The following WDFY4 variants were observed in gnomAD, a reference collection of about 807,000 sequenced individuals.
WDFY4 encodes the protein WD repeat- and FYVE domain-containing protein 4.
In WDFY4, 169 loss-of-function variants were observed where a neutral mutation model predicts 351.9. That is an observed-to-expected ratio of 0.48 (90% confidence interval 0.42 to 0.55). The LOEUF (loss-of-function observed/expected upper bound fraction) is 0.55. Among genes scored for constraint, WDFY4 ranks in the 20% least tolerant of loss-of-function variants. The probability of loss-of-function intolerance (pLI) is 0.00; values close to 1 mark genes in which losing one functional copy is unlikely to be tolerated. For synonymous variants in WDFY4, 1,622 were observed against 1,574.6 expected (o/e 1.03, Z -0.71); for missense variants, 3,803 against 3,935.6 (o/e 0.97, Z 0.90).
chr10:48,706,146 A>G (rs2063620894), intron 1 of WDFY4, among the ~76,000 whole-genome samples: 1 of 152,158 alleles, frequency 6.6e-6, no homozygotes, highest in African/African-American at 2.4e-5. Context: ...AGAGAGAGAG[A>G]GATTGAGATT....
intron 47 of WDFY4, among the ~76,000 whole-genome samples, chr10:48,907,420 C>A (rs948187333): frequency 6.6e-6 from 1 of 152,100 alleles, no homozygotes; most frequent in Non-Finnish European, 1.5e-5. Context: ...GTTTGCAGTT[C>A]CTAAAATCAT....
intron 47 of WDFY4, chr10:48,913,460 C>T (rs375899185): frequency 1.1e-5 from 17 of 1,613,544 alleles, no homozygotes; most frequent in South Asian, 9.9e-5. Flanking sequence ...TGGTCTTTCT[C>T]GGTGTCGTCG....
chr10:48,832,392 T>C (rs1466091771), intron 38 of WDFY4, among the ~76,000 whole-genome samples, 181 bp from the exon 39 acceptor site: 1 of 152,242 alleles, frequency 6.6e-6, no homozygotes, highest in Non-Finnish European at 1.5e-5. Flanking sequence ...GCCCACAGTG[T>C]TTCTTAGCCA....
In WDFY4 at chr10:48,970,167, C is replaced by T. The variant is rs753408249; in HGVS notation, c.8806C>T (p.Arg2936Cys). 31 of 1,551,592 alleles carry T rather than the reference C, an allele frequency of 2.0e-5. No individual in the cohort carries two copies. The highest frequency in any genetic ancestry group is 7.1e-5 in the South Asian group (6 of 84,072). ...ATTCGAGAACCTGGCTGCCTGGGGC[C>T]GCTGTCTGTGCGCCGTGTGCCCATC... is the stretch of plus-strand genomic sequence containing the variant. ...MTFENLAAWG[R>C]CLCAVCPSPT... is the part of the protein sequence containing the mutation. The change falls in exon 57 of 62, where the codon CGC becomes TGC. Residue 2936 changes from arginine (R) to cysteine (C), a missense_variant. This residue lies in a region of WDFY4 where 3,054 missense variants were observed against 3,148.6 expected (regional missense o/e 0.97). Coordinates refer to ENST00000325239, the MANE Select transcript of WDFY4 (RefSeq NM_001394531.1).
intron 60 of WDFY4, 127 bp downstream of exon 60, chr10:48,978,520 G>T: frequency 1.2e-6 from 1 of 840,486 alleles, no homozygotes; most frequent in Non-Finnish European, 1.8e-6. Context: ...GCCTAGGAAG[G>T]CACAGAGAGG....
intron 39 of WDFY4, among the ~76,000 whole-genome samples, chr10:48,859,081 C>G (rs1376641020): frequency 6.6e-6 from 1 of 151,798 alleles, no homozygotes; most frequent in Admixed American, 6.6e-5. Context: ...TTGTAAATAC[C>G]TTGAGTATTT....
chr10:48,966,476 C>A, intron 54 of WDFY4, 50 bp from the exon 55 acceptor site: 2 of 1,526,600 alleles, frequency 1.3e-6, no homozygotes, highest in Non-Finnish European at 1.8e-6. Flanking sequence ...GGGACGACCC[C>A]TCCTCTGGGC....
intron 13 of WDFY4, among the ~76,000 whole-genome samples, chr10:48,765,257 T>C (rs2065631898): frequency 6.6e-6 from 1 of 152,266 alleles, no homozygotes; most frequent in Non-Finnish European, 1.5e-5. Flanking sequence ...CTGTGTTTAC[T>C]GAACATTTAC....
intron 21 of WDFY4, among the ~76,000 whole-genome samples, chr10:48,789,357 G>A (rs2066601785): frequency 6.6e-6 from 1 of 152,208 alleles, no homozygotes; most frequent in Non-Finnish European, 1.5e-5. Flanking sequence ...AATGGACAGA[G>A]GGTACCCCCA....
intron 25 of WDFY4, chr10:48,804,763 G>A (rs1007253711): frequency 1.0e-6 from 1 of 972,004 alleles, no homozygotes; most frequent in East Asian, 1.5e-4. Flanking sequence ...TTGGATTTGT[G>A]AGTATCTGAG....
At chr10:48,924,166 C>T (rs79671306) in intron 47 of WDFY4, among the ~76,000 whole-genome samples, 3,048 of 152,286 alleles carry the variant, frequency 0.02, 103 homozygotes, top group African/African-American at 0.065. Flanking sequence ...TAGGCAGCCC[C>T]GGGGCCAGAT....
chr10:48,830,957 C>T (rs2068169711), intron 38 of WDFY4, 72 bp downstream of exon 38: 3 of 1,463,598 alleles, frequency 2.0e-6, no homozygotes, highest in African/African-American at 2.8e-5. Context: ...CAAGGTTCAA[C>T]TCAGTGCCTA....
chr10:48,730,300 G>A (rs2064414978), intron 8 of WDFY4, among the ~76,000 whole-genome samples: 2 of 152,254 alleles, frequency 1.3e-5, no homozygotes, highest in Admixed American at 1.3e-4. Flanking sequence ...GCAGAATAGA[G>A]GCAGGGAGGC....
In WDFY4 at chr10:48,729,578, A is replaced by T; in HGVS notation, c.1118A>T (p.His373Leu). The change falls in exon 8 of 62, where the codon CAT becomes CTT. Residue 373 changes from histidine (H) to leucine (L), a missense_variant. By Grantham distance (99) the His-to-Leu change is moderately conservative (BLOSUM62 -3). Around this residue, in one of 3 missense-constraint regions of WDFY4, gnomAD observed 488 missense variants for 456.8 expected, o/e 1.07. Transcript: ENST00000325239. The stretch of plus-strand genomic sequence containing the variant: ...CAGCTTGAAGGCTTCAAGTTCCATC[A>T]TGAGGCATCTGGTGAGTCTTTCCTG... Reference protein sequence around the residue: ...YPQLEGFKFHHEASGVTVKNL... With the variant: ...YPQLEGFKFHLEASGVTVKNL... 2 of 1,551,648 alleles carry T rather than the reference A, an allele frequency of 1.3e-6. No homozygotes were observed. Among genetic ancestry groups the T allele is most frequent in the East Asian group, 2.4e-5 (1 of 40,924 alleles).
intron 57 of WDFY4, 133 bp downstream of exon 57, chr10:48,970,422 C>T: frequency 8.0e-7 from 1 of 1,257,786 alleles, no homozygotes; most frequent in Non-Finnish European, 1.1e-6. Flanking sequence ...ACTGAGGGCC[C>T]TGCCACCCTC....
At chr10:48,770,269 A>T (rs11101471) in intron 13 of WDFY4, among the ~76,000 whole-genome samples, 68,180 of 152,008 alleles carry the variant, frequency 0.45, 15,471 homozygotes, top group Middle Eastern at 0.63. Flanking sequence ...GAAAACTTTC[A>T]GTTTTTCTTT....
chr10:48,817,497 C>T (rs781338825), intron 32 of WDFY4, 88 bp downstream of exon 32: 12 of 1,401,182 alleles, frequency 8.6e-6, no homozygotes, highest in South Asian at 4.6e-5. Context: ...TCCCCTCCCC[C>T]CTAAAATTAA....
At chr10:48,925,228 C>T (rs1042971335) in intron 47 of WDFY4, among the ~76,000 whole-genome samples, 6 of 152,210 alleles carry the variant, frequency 3.9e-5, no homozygotes, top group Admixed American at 1.3e-4. Context: ...TGTGACCTCC[C>T]GAGTGGCTTC....
chr10:48,980,103 C>G (rs547670474), intron 60 of WDFY4: 1 of 152,320 alleles, frequency 6.6e-6, no homozygotes, highest in Non-Finnish European at 1.5e-5. Context: ...CCCTAAGTCT[C>G]TGCCACCCCA....
Sources: allele counts gnomAD v4.1 joint callset (sites outside exome capture counted in the v4.1 genomes callset), GRCh38; gene constraint gnomAD v4.1.1; regional missense constraint gnomAD v4.1.1; transcripts MANE v1.5; gene names NCBI Gene and HGNC (gene_info 2026-07-23, HGNC 2026-07-21).